Variants in TRIM48 observed in about 807,000 individuals in gnomAD.
TRIM48 encodes tripartite motif containing 48, also known as E3 ubiquitin-protein ligase TRIM48.
TRIM48 carries 31 observed loss-of-function variants against 29.5 expected under a neutral mutation model. That is an observed-to-expected ratio of 1.05 (90% CI 0.79 to 1.42). The LOEUF (loss-of-function observed/expected upper bound fraction) is 1.42, where lower values mean the gene tolerates loss of function less well. Ranked by LOEUF, TRIM48 falls within the 40% of genes most tolerant of loss-of-function variation. The pLI is 0.00. For missense variants in TRIM48, 344 were observed against 265.0 expected, an observed-to-expected ratio of 1.30 and a Z score of -2.07; for synonymous variants, 128 against 90.6, an observed-to-expected ratio of 1.41 and a Z score of -2.34.
intron 3 of TRIM48, among the ~76,000 whole-genome samples, chr11:55,266,874 T>G (rs1393035105): frequency 6.8e-6 from 1 of 147,218 alleles, no homozygotes; most frequent in Non-Finnish European, 1.5e-5. Flanking sequence ...TGTTTCAGAT[T>G]GGGATGACTT....
In TRIM48 at chr11:55,271,076, T is replaced by C. The variant is rs1857479907; in HGVS notation, c.*641T>C. On this transcript the variant is annotated 3_prime_UTR_variant, in exon 6 of 6. Coordinates refer to ENST00000417545, the MANE Select transcript of TRIM48 (RefSeq NM_024114.5). ...TGCATTCTAATGTTATTAAAACTCA[T>C]TTATTGTGTTACTATTAAATGTAGT... The C allele has an allele frequency of 1.7e-6, 2 of 1,156,560 alleles. No homozygotes were observed. The highest frequency in any genetic ancestry group is 1.7e-5 in the South Asian group (1 of 59,182). The allele number at this position is 1,156,560 out of a possible 1,614,324, so 71.6% of individuals were successfully genotyped here.
Position 55,267,963 on chromosome 11 carries a change from G to T in TRIM48, c.556-387G>T, listed in dbSNP as rs368863209. Among the ~76,000 whole-genome samples, 6 of 147,716 alleles carry T rather than the reference G, an allele frequency of 4.1e-5. 2 individuals carry two copies. The highest frequency in any genetic ancestry group is 9.9e-5 in the African/African-American group (4 of 40,376). On this transcript the variant is annotated intron_variant, in intron 3 of 5. Transcript: ENST00000417545. ...TAGTGAGTGATTCATTTACATTTAG[G>T]TTAATTTGAGGACATGGCAAGATCA...
chr11:55,268,516 C>A, intron 4 of TRIM48, 144 bp downstream of exon 4: 4 of 762,198 alleles, frequency 5.2e-6, no homozygotes, highest in Middle Eastern at 2.7e-4. Flanking sequence ...CCAGAAAAGA[C>A]AAGACCACTA....
At position 55,268,387 on chromosome 11, in the gene TRIM48, G is replaced by A. The variant is rs767540115; in HGVS notation, c.578+15G>A. 6.5e-6 allele frequency: 10 copies of A among 1,543,402 alleles called. 3 individuals carry two copies. The South Asian group carries it at 1.2e-4, about 19-fold the overall frequency. On this transcript the variant is annotated intron_variant, in intron 4 of 5. Coordinates refer to ENST00000417545, the MANE Select transcript of TRIM48 (RefSeq NM_024114.5). ...ATATTATACAGGTGAGTATGTACCT[G>A]GATTTTAGCATATGTTCTTTCACTT...
At chr11:55,263,416 G>A (rs1200946604) in intron 1 of TRIM48, among the ~76,000 whole-genome samples, 2 of 152,000 alleles carry the variant, frequency 1.3e-5, no homozygotes, top group African/African-American at 2.4e-5. Context: ...ACTTTTGGAG[G>A]CCGTGGCAGG....
Position 55,264,325 on chromosome 11 carries a change from G to A in TRIM48, c.45-575G>A, listed in dbSNP as rs181208881. On this transcript the variant is annotated intron_variant, in intron 1 of 5. Coordinates refer to ENST00000417545, the MANE Select transcript of TRIM48 (RefSeq NM_024114.5). The stretch of plus-strand genomic sequence containing the variant: ...GTTGGTTGATTGGTTTTTCTATTTC[G>A]CTTTGGATTTGGTTTTTTATTTTAC... Among the ~76,000 whole-genome samples the A allele has an allele frequency of 4.1e-3, 608 of 147,156 alleles. 44 individuals carry two copies. The highest frequency in any genetic ancestry group is 0.014 in the African/African-American group (571 of 40,260).
intron 3 of TRIM48, chr11:55,267,772 C>A: frequency 7.1e-7 from 1 of 1,402,354 alleles, no homozygotes; most frequent in South Asian, 1.5e-5. Context: ...ACTAATGCTA[C>A]TTTATTGGGA....
intron 4 of TRIM48, among the ~76,000 whole-genome samples, chr11:55,268,709 A>C (rs11821360): frequency 0.062 from 9,203 of 147,696 alleles, 1,033 homozygotes; most frequent in Non-Finnish European, 0.071. Flanking sequence ...GCAGTGAAAA[A>C]GTTGATGATT....
At position 55,270,604 on chromosome 11, in the gene TRIM48, T is replaced by A; in HGVS notation, c.*169T>A. ...GACTTTCACCTCTGGCAAATATTAC[T>A]GGGAGGTCCATGTGGGGGACTCTTG... On this transcript the variant is annotated 3_prime_UTR_variant, in exon 6 of 6. Coordinates refer to ENST00000417545, the MANE Select transcript of TRIM48 (RefSeq NM_024114.5). 6.3e-6 allele frequency: 10 copies of A among 1,583,388 alleles called. 2 individuals carry two copies. The highest frequency in any genetic ancestry group is 8.6e-6 in the Non-Finnish European group (10 of 1,165,610).
rs770288042 is a variant in TRIM48 at position 55,265,107 on chromosome 11, T to A, written c.252T>A (p.Ile84=). 23 of 1,582,724 alleles carry A rather than the reference T, an allele frequency of 1.5e-5. 4 individuals are homozygous for A. The South Asian group carries it at 2.7e-4, about 19-fold the overall frequency. The change falls in exon 2 of 6, where the codon ATT becomes ATA. Residue 84 remains isoleucine (I), a synonymous_variant. Coordinates refer to ENST00000417545, the MANE Select transcript of TRIM48 (RefSeq NM_024114.5). ...AGCAGAGAAACCTCAAAACTAACAT[T>A]CGATTGAAGAAGATGGCTTCCCTTG... The part of the protein sequence containing the change: ...TIQQRNLKTN[I]RLKKMASLAR...
At position 55,271,114 on chromosome 11, in the gene TRIM48, A is replaced by G; in HGVS notation, c.*679A>G. ...TATTAAATGTAGTAAAAACACTAAA[A>G]GTATATATATTGGTTCTTTATTAAT... On this transcript the variant is annotated 3_prime_UTR_variant, in exon 6 of 6. Transcript: ENST00000417545. 1 of 774,466 alleles carries G rather than the reference A, an allele frequency of 1.3e-6. No homozygotes were observed. 48.0% of individuals were successfully genotyped at this position (774,466 alleles called of 1,614,324 possible). A position where few individuals can be genotyped will look rare whatever the true frequency, so the allele number is the denominator to read the frequency against.
chr11:55,262,203 G>A lies in TRIM48; in HGVS notation c.-65G>A. 7.5e-7 allele frequency: 1 copy of A among 1,326,248 alleles called. No individual in the cohort carries two copies. The highest frequency in any genetic ancestry group is 1.1e-6 in the Non-Finnish European group (1 of 943,340). 82.2% of individuals were successfully genotyped at this position (1,326,248 alleles called of 1,614,324 possible). ...TGCACTTAGAGGGAGCTGTGTTTTG[G>A]TGACCTCTGAAACTCAGTACTGCAG... On this transcript the variant is annotated 5_prime_UTR_variant, in exon 1 of 6. The change creates a new upstream start codon in the 5' untranslated region. Coordinates refer to ENST00000417545, the MANE Select transcript of TRIM48 (RefSeq NM_024114.5).
chr11:55,268,987 C>A lies in TRIM48; in HGVS notation c.579-255C>A, dbSNP rs192109128. Among the ~76,000 whole-genome samples, 929 of 147,946 alleles carry A rather than the reference C, an allele frequency of 6.3e-3. 86 individuals carry two copies. Among genetic ancestry groups the A allele is most frequent in the African/African-American group, 0.022 (895 of 40,532 alleles). On this transcript the variant is annotated intron_variant, in intron 4 of 5. Coordinates refer to ENST00000417545, the MANE Select transcript of TRIM48 (RefSeq NM_024114.5). ...TTTCGTTTCTAAATATTCTCAAGGC[C>A]ATAAGGCTAAGGAACTTTACACATT...
intron 4 of TRIM48, among the ~76,000 whole-genome samples, chr11:55,268,872 A>G (rs917124177): frequency 2.0e-5 from 3 of 148,054 alleles, no homozygotes; most frequent in African/African-American, 7.4e-5. Flanking sequence ...TTTATCTTGA[A>G]AAGGAAGCAG....
In TRIM48 at chr11:55,264,921, G is replaced by T; in HGVS notation, c.66G>T (p.Ser22=). ...RTQRNMNSGI[S]QVFQRELTCP... ...TCAGAAACATGAATTCTGGAATCTC[G>T]CAAGTCTTCCAGAGGGAACTCACCT... is the stretch of plus-strand genomic sequence containing the variant. The change falls in exon 2 of 6, where the codon TCG becomes TCT. Residue 22 remains serine (S), a synonymous_variant. Coordinates refer to ENST00000417545, the MANE Select transcript of TRIM48 (RefSeq NM_024114.5). 2 of 1,583,320 alleles carry T rather than the reference G, an allele frequency of 1.3e-6. No individual in the cohort carries two copies. Among genetic ancestry groups the T allele is most frequent in the Non-Finnish European group, 1.7e-6 (2 of 1,166,062 alleles).
At chr11:55,264,406 T>C (rs1467994274) in intron 1 of TRIM48, among the ~76,000 whole-genome samples, 1 of 148,212 alleles carries the variant, frequency 6.7e-6, no homozygotes, top group African/African-American at 2.5e-5. Flanking sequence ...TGCAGGCTTG[T>C]TACACAGGTA....
chr11:55,266,563 G>C, intron 3 of TRIM48, among the ~76,000 whole-genome samples: 1 of 147,680 alleles, frequency 6.8e-6, no homozygotes, highest in Non-Finnish European at 1.5e-5. Flanking sequence ...AGTGTGGTAA[G>C]TTCTTTGTTG....
intron 1 of TRIM48, among the ~76,000 whole-genome samples, chr11:55,263,124 C>T (rs1164138511): frequency 6.6e-6 from 1 of 152,012 alleles, no homozygotes; most frequent in Non-Finnish European, 1.5e-5. Flanking sequence ...AACAACAAAC[C>T]ACACATGGTG....
chr11:55,264,623 A>C (rs1410673219), intron 1 of TRIM48, among the ~76,000 whole-genome samples: 1 of 148,068 alleles, frequency 6.8e-6, no homozygotes, highest in Non-Finnish European at 1.5e-5. Flanking sequence ...TTCCAGATCC[A>C]CATTCAGAAA....
Sources: allele counts gnomAD v4.1 joint callset (sites outside exome capture counted in the v4.1 genomes callset), GRCh38; gene constraint gnomAD v4.1.1; transcripts MANE v1.5; gene names NCBI Gene and HGNC (gene_info 2026-07-23, HGNC 2026-07-21).